Variants in DDR2 observed in about 807,000 individuals in gnomAD.
The protein encoded by DDR2 is discoidin domain receptor tyrosine kinase 2.
Under a neutral mutation model 94.9 loss-of-function variants are expected in DDR2, and 27 were observed. That is an observed-to-expected ratio of 0.28 (90% confidence interval 0.21 to 0.39). The LOEUF is 0.39. DDR2 is among the 10% of genes least tolerant of loss of function. The pLI, the probability that DDR2 is intolerant of heterozygous loss-of-function variation, is 1.00. For synonymous variants in DDR2, 382 were observed against 377.2 expected (o/e 1.01, Z -0.15); for missense variants, 783 against 1,076.0 (o/e 0.73, Z 3.81).
intron 3 of DDR2, among the ~76,000 whole-genome samples, chr1:162,728,861 T>G (rs144910546): frequency 9.2e-5 from 14 of 152,228 alleles, no homozygotes; most frequent in African/African-American, 3.4e-4. Flanking sequence ...TAGTTCCAGC[T>G]CTGTCACTAT....
intron 2 of DDR2, among the ~76,000 whole-genome samples, chr1:162,696,542 G>T (rs1660202253): frequency 6.6e-6 from 1 of 151,808 alleles, no homozygotes; most frequent in South Asian, 2.1e-4. Context: ...TGAGCCTCTG[G>T]CTTTCATCGC....
intron 2 of DDR2, among the ~76,000 whole-genome samples, chr1:162,675,176 A>T (rs1282384169): frequency 1.3e-5 from 2 of 151,094 alleles, no homozygotes; most frequent in Non-Finnish European, 2.9e-5. Flanking sequence ...AAAGTAGAGG[A>T]GAAACATTGC....
intron 1 of DDR2, among the ~76,000 whole-genome samples, chr1:162,650,362 A>C (rs1657627694): frequency 6.6e-6 from 1 of 152,140 alleles, no homozygotes; most frequent in Non-Finnish European, 1.5e-5. Context: ...TTGGGAGGCC[A>C]AGGAAGGCAG....
chr1:162,690,279 C>T (rs993609917), intron 2 of DDR2, among the ~76,000 whole-genome samples: 6 of 152,074 alleles, frequency 3.9e-5, no homozygotes, highest in Non-Finnish European at 5.9e-5. Context: ...GTGGGGCTGG[C>T]GTAGAAACCC....
chr1:162,783,299 G>A lies in DDR2; in HGVS notation c.*3053G>A, dbSNP rs878977236. 1 of 152,192 alleles carries A rather than the reference G, an allele frequency of 6.6e-6. No individual in the cohort carries two copies. Among genetic ancestry groups the A allele is most frequent in the Non-Finnish European group, 1.5e-5 (1 of 68,050 alleles). The allele number at this position is 152,192 out of a possible 1,614,324, so 9.4% of individuals were successfully genotyped here. A position where few individuals can be genotyped will look rare whatever the true frequency, so the allele number is the denominator to read the frequency against. On this transcript the variant is annotated 3_prime_UTR_variant, in exon 18 of 18. Transcript: ENST00000367921. ...CAGAAAAGATCTAGAGTGCAAAGAGGTGCCTGAGGAGCAAAATGTGGTTTT... is the reference window on the plus strand; with the variant it reads ...CAGAAAAGATCTAGAGTGCAAAGAGATGCCTGAGGAGCAAAATGTGGTTTT...
intron 2 of DDR2, among the ~76,000 whole-genome samples, chr1:162,684,812 A>ACACACAC (rs1659589238): frequency 2.2e-5 from 3 of 138,042 alleles, no homozygotes; most frequent in Non-Finnish European, 3.2e-5. Flanking sequence ...CACACCCACC[A>ACACACAC]ACACACACAC....
At chr1:162,770,662 C>CCGCT (rs1344371697) in intron 12 of DDR2, 150 bp downstream of exon 12, 2 of 839,762 alleles carry the variant, frequency 2.4e-6, no homozygotes. Flanking sequence ...ATTTGGTCTG[C>CCGCT]CGCTGCTCCT....
intron 3 of DDR2, among the ~76,000 whole-genome samples, chr1:162,750,763 A>T (rs1179618228): frequency 6.6e-6 from 1 of 152,218 alleles, no homozygotes; most frequent in East Asian, 1.9e-4. Flanking sequence ...AGGCTACAGT[A>T]ACCAAAACAG....
In DDR2 at chr1:162,755,732, C is replaced by A. The variant is rs773858562; in HGVS notation, c.634C>A (p.Leu212Met). The A allele has an allele frequency of 6.2e-7, 1 of 1,614,126 alleles. No individual in the cohort carries two copies. Among genetic ancestry groups the A allele is most frequent in the Non-Finnish European group, 8.5e-7 (1 of 1,179,970 alleles). Reference sequence around the variant, plus strand: ...ACTCCCTGGAGGTTCCATCATTTATCTGAATGATTCTGTCTATGATGGAGC... The same window carrying A: ...ACTCCCTGGAGGTTCCATCATTTATATGAATGATTCTGTCTATGATGGAGC... ...FVLPGGSIIY[L>M]NDSVYDGAVG... The change falls in exon 7 of 18, where the codon CTG (leucine) becomes ATG (methionine). Residue 212 changes from leucine (L) to methionine (M), a missense_variant. By Grantham distance (15) the Leu-to-Met change is conservative. Around this residue, in one of 2 missense-constraint regions of DDR2, gnomAD observed 519 missense variants for 647.9 expected, o/e 0.80. Coordinates refer to ENST00000367921, the MANE Select transcript of DDR2 (RefSeq NM_006182.4).
intron 2 of DDR2, among the ~76,000 whole-genome samples, chr1:162,686,991 A>C (rs1428589405): frequency 6.6e-6 from 1 of 152,170 alleles, no homozygotes; most frequent in Admixed American, 6.5e-5. Flanking sequence ...TCTTTTGTTA[A>C]TGTTACCCAC....
chr1:162,688,495 G>A (rs1442674760), intron 2 of DDR2, among the ~76,000 whole-genome samples: 1 of 152,174 alleles, frequency 6.6e-6, no homozygotes, highest in African/African-American at 2.4e-5. Context: ...GGTTCAATCA[G>A]GATTTGAACT....
At chr1:162,763,428 A>T (rs965185897) in intron 9 of DDR2, among the ~76,000 whole-genome samples, 6 of 136,168 alleles carry the variant, frequency 4.4e-5, no homozygotes, top group African/African-American at 1.7e-4. Context: ...CGAACTCCCA[A>T]CCTCAGGCGA....
intron 2 of DDR2, among the ~76,000 whole-genome samples, chr1:162,670,154 A>G (rs529430263): frequency 6.6e-6 from 1 of 152,332 alleles, no homozygotes; most frequent in South Asian, 2.1e-4. Flanking sequence ...TCTGTCGCCC[A>G]GGCTGGAGTG....
At chr1:162,650,091 T>G (rs571534369) in intron 1 of DDR2, among the ~76,000 whole-genome samples, 178 of 152,312 alleles carry the variant, frequency 1.2e-3, no homozygotes, top group African/African-American at 4.0e-3. Flanking sequence ...TCCTTCCTCC[T>G]GGATCACTTA....
At chr1:162,650,947 T>G (rs1657658310) in intron 1 of DDR2, among the ~76,000 whole-genome samples, 1 of 152,196 alleles carries the variant, frequency 6.6e-6, no homozygotes, top group African/African-American at 2.4e-5. Flanking sequence ...CAAGGTGGTC[T>G]TGAACTCCTG....
intron 8 of DDR2, among the ~76,000 whole-genome samples, chr1:162,760,413 GAT>G (rs1191800148): frequency 9.3e-4 from 134 of 143,580 alleles, no homozygotes; most frequent in Middle Eastern, 3.8e-3. Flanking sequence ...TATACACAAT[GAT>G]ATATATATAT....
intron 3 of DDR2, among the ~76,000 whole-genome samples, chr1:162,720,794 A>G (rs73024581): frequency 1.6e-3 from 237 of 152,284 alleles, no homozygotes; most frequent in African/African-American, 5.4e-3. Flanking sequence ...GTTCCATGCT[A>G]TATTTTGATT....
At chr1:162,700,607 G>T (rs1260428592) in intron 2 of DDR2, among the ~76,000 whole-genome samples, 1 of 152,180 alleles carries the variant, frequency 6.6e-6, no homozygotes, top group Non-Finnish European at 1.5e-5. Context: ...GGAGGTATTT[G>T]CATAGAAACA....
At chr1:162,774,721 G>A (rs1360619567) in intron 14 of DDR2, among the ~76,000 whole-genome samples, 1 of 152,162 alleles carries the variant, frequency 6.6e-6, no homozygotes, top group African/African-American at 2.4e-5. Context: ...GATCGGTGAA[G>A]TTTGCCATTC....
Sources: gnomAD v4.1 joint callset for allele counts (sites outside exome capture counted in the v4.1 genomes callset) on GRCh38, gnomAD v4.1.1 for gene constraint, gnomAD v4.1.1 regional missense constraint, MANE v1.5 for transcripts, NCBI Gene and HGNC (gene_info 2026-07-23, HGNC 2026-07-21) for gene names.